Variants in BRINP3 observed in about 807,000 individuals in gnomAD.
The protein encoded by BRINP3 is BMP/retinoic acid-inducible neural-specific protein 3.
BRINP3 carries 19 observed loss-of-function variants against 71.0 expected under a neutral mutation model. The ratio of observed to expected loss-of-function variants is 0.27; its 90% CI spans 0.19 to 0.39. The LOEUF (loss-of-function observed/expected upper bound fraction) is 0.39. Among genes scored for constraint, BRINP3 ranks in the 10% least tolerant of loss-of-function variants. The pLI is 1.00. For missense variants in BRINP3, 959 were observed against 940.8 expected (o/e 1.02, Z -0.25); for synonymous variants, 380 against 337.7 (o/e 1.13, Z -1.37).
chr1:190,364,551 C>T (rs1023513302), intron 2 of BRINP3, among the ~76,000 whole-genome samples: 1 of 151,780 alleles, frequency 6.6e-6, no homozygotes, highest in African/African-American at 2.4e-5. Context: ...AAATATGGAT[C>T]AAAGTGTAAT....
intron 6 of BRINP3, among the ~76,000 whole-genome samples, chr1:190,182,769 A>T (rs560851775): frequency 9.2e-5 from 14 of 152,264 alleles, no homozygotes; most frequent in Admixed American, 5.2e-4. Flanking sequence ...AGAAAGACAA[A>T]CAATGTGATG....
chr1:190,152,647 A>G lies in BRINP3; in HGVS notation c.1184+8021T>C, dbSNP rs373683474. ...GAGTCTGGACATCTTTCCTGTGTACACTGTGGGCTGCAGACAGAGTTCACT... is the reference window on the plus strand; with the variant it reads ...GAGTCTGGACATCTTTCCTGTGTACGCTGTGGGCTGCAGACAGAGTTCACT... On this transcript the variant is annotated intron_variant, in intron 7 of 7. Transcript: ENST00000367462. Among the ~76,000 whole-genome samples the G allele has an allele frequency of 3.0e-4, 44 of 147,978 alleles. No homozygotes were observed. The East Asian group carries it at 3.0e-3, about 10-fold the overall frequency.
At chr1:190,272,314 A>G (rs1035501587) in intron 3 of BRINP3, among the ~76,000 whole-genome samples, 1 of 151,546 alleles carries the variant, frequency 6.6e-6, no homozygotes, top group Non-Finnish European at 1.5e-5. Context: ...TGACATAATG[A>G]AGGCAAATGA....
At chr1:190,400,555 A>G (rs1671855657) in intron 2 of BRINP3, among the ~76,000 whole-genome samples, 1 of 152,180 alleles carries the variant, frequency 6.6e-6, no homozygotes, top group African/African-American at 2.4e-5. Context: ...GTGAGGTTTT[A>G]ATCACTTACA....
intron 6 of BRINP3, among the ~76,000 whole-genome samples, chr1:190,197,673 G>T (rs932959141): frequency 2.0e-5 from 3 of 152,154 alleles, no homozygotes; most frequent in South Asian, 4.1e-4. Context: ...CAAGAGGTGG[G>T]CTCCCATAGC....
chr1:190,108,034 A>T (rs527447918), intron 7 of BRINP3, among the ~76,000 whole-genome samples: 1 of 152,082 alleles, frequency 6.6e-6, no homozygotes, highest in African/African-American at 2.4e-5. Flanking sequence ...TTAAAATGCT[A>T]ATGTAGATGG....
At chr1:190,438,365 C>G (rs983000528) in intron 2 of BRINP3, among the ~76,000 whole-genome samples, 8 of 151,586 alleles carry the variant, frequency 5.3e-5, no homozygotes, top group East Asian at 3.9e-4. Context: ...ACACTATCAA[C>G]AGTTTTTCTC....
chr1:190,385,318 C>T (rs113567819), intron 2 of BRINP3, among the ~76,000 whole-genome samples: 3 of 151,972 alleles, frequency 2.0e-5, no homozygotes, highest in South Asian at 2.1e-4. Context: ...AGAAAATTTT[C>T]GCAACCTACT....
At chr1:190,375,778 T>C (rs1433481872) in intron 2 of BRINP3, among the ~76,000 whole-genome samples, 1 of 151,988 alleles carries the variant, frequency 6.6e-6, no homozygotes, top group Non-Finnish European at 1.5e-5. Context: ...CAGAATAATT[T>C]CAAAAAGGCC....
chr1:190,372,688 T>G (rs1237045593), intron 2 of BRINP3, among the ~76,000 whole-genome samples: 1 of 152,164 alleles, frequency 6.6e-6, no homozygotes, highest in African/African-American at 2.4e-5. Flanking sequence ...ATAATTCCCC[T>G]CTCTTCTAAT....
At chr1:190,214,526 G>GA (rs1368259284) in intron 6 of BRINP3, among the ~76,000 whole-genome samples, 3 of 151,950 alleles carry the variant, frequency 2.0e-5, no homozygotes, top group Non-Finnish European at 2.9e-5. Context: ...TTCTTTCAGG[G>GA]AAAAAAGCCC....
intron 2 of BRINP3, among the ~76,000 whole-genome samples, chr1:190,393,008 A>G (rs1215964703): frequency 6.6e-6 from 1 of 151,648 alleles, no homozygotes; most frequent in African/African-American, 2.4e-5. Flanking sequence ...AGCTGTGAAG[A>G]GTATTTTGCC....
intron 7 of BRINP3, among the ~76,000 whole-genome samples, chr1:190,138,904 G>A (rs974746514): frequency 6.6e-6 from 1 of 152,090 alleles, no homozygotes; most frequent in South Asian, 2.1e-4. Context: ...TCTCAATGGC[G>A]GCAGCAGGGA....
intron 4 of BRINP3, among the ~76,000 whole-genome samples, chr1:190,239,088 T>C (rs1011333937): frequency 6.6e-6 from 1 of 151,894 alleles, no homozygotes; most frequent in Non-Finnish European, 1.5e-5. Context: ...AACCATCAAC[T>C]CTCCTGAGAA....
chr1:190,292,577 C>T (rs925910799), intron 2 of BRINP3, among the ~76,000 whole-genome samples: 1 of 152,016 alleles, frequency 6.6e-6, no homozygotes, highest in African/African-American at 2.4e-5. Flanking sequence ...CACTTGAGCC[C>T]AGGAAGTCTA....
At chr1:190,356,671 G>GA (rs1293054432) in intron 2 of BRINP3, among the ~76,000 whole-genome samples, 1 of 151,612 alleles carries the variant, frequency 6.6e-6, no homozygotes, top group East Asian at 1.9e-4. Context: ...AAATAATCCA[G>GA]AAAAAAATCT....
intron 7 of BRINP3, among the ~76,000 whole-genome samples, chr1:190,110,393 A>G (rs905771043): frequency 6.6e-6 from 1 of 152,204 alleles, no homozygotes; most frequent in Non-Finnish European, 1.5e-5. Context: ...CCTTTCTAAG[A>G]TGAGAGTTGT....
chr1:190,348,116 G>A (rs1668142356), intron 2 of BRINP3, among the ~76,000 whole-genome samples: 1 of 152,120 alleles, frequency 6.6e-6, no homozygotes. Context: ...ATAGGGAAGA[G>A]AAGCTTTTGT....
chr1:190,332,800 A>G (rs1667051989), intron 2 of BRINP3, among the ~76,000 whole-genome samples: 1 of 152,018 alleles, frequency 6.6e-6, no homozygotes, highest in South Asian at 2.1e-4. Context: ...GAATAAAAAC[A>G]TAAGAGAAAG....
Sources: gnomAD v4.1 joint callset for allele counts (sites outside exome capture counted in the v4.1 genomes callset) on GRCh38, gnomAD v4.1.1 for gene constraint, MANE v1.5 for transcripts, NCBI Gene and HGNC (gene_info 2026-07-23, HGNC 2026-07-21) for gene names.